TSR1: variants seen among roughly 807,000 people sequenced by gnomAD.
TSR1 encodes the protein pre-rRNA-processing protein TSR1 homolog.
In TSR1, 81 loss-of-function variants were observed where a neutral mutation model predicts 90.9. That is an observed-to-expected ratio of 0.89 (90% confidence interval 0.74 to 1.07). The LOEUF (loss-of-function observed/expected upper bound fraction) is 1.07. TSR1 is among the 50% of genes least tolerant of loss of function. The probability of loss-of-function intolerance (pLI) is 0.00; values close to 1 mark genes in which losing one functional copy is unlikely to be tolerated. For synonymous variants in TSR1, 362 were observed against 348.8 expected (o/e 1.04, Z -0.42); for missense variants, 989 against 987.3 (o/e 1.00, Z -0.02).
In TSR1 at chr17:2,323,630, T is replaced by G; in HGVS notation, c.*566A>C. The G allele has an allele frequency of 6.2e-7, 1 of 1,611,486 alleles. No homozygotes were observed. The highest frequency in any genetic ancestry group is 8.5e-7 in the Non-Finnish European group (1 of 1,177,796). ...ACCAACTAGACTCCCCTTTCACTAA[T>G]TCCTACTCCCTTCCATATCAACAGT... On this transcript the variant is annotated 3_prime_UTR_variant, in exon 15 of 15. Transcript: ENST00000301364.
chr17:2,323,089 CA>C lies in TSR1; in HGVS notation c.*1106del. The C allele has an allele frequency of 6.3e-7, 1 of 1,576,924 alleles. No individual in the cohort carries two copies. The highest frequency in any genetic ancestry group is 8.7e-7 in the Non-Finnish European group (1 of 1,146,672). ...CCATATTTTCTTTTAGACATGCAGG[CA>C]ATGTTGTGGTTTGTTGTTAAGATGT... is the stretch of plus-strand genomic sequence containing the variant. On this transcript the variant is annotated 3_prime_UTR_variant, in exon 15 of 15. Coordinates refer to ENST00000301364, the MANE Select transcript of TSR1 (RefSeq NM_018128.5).
chr17:2,331,297 C>T (rs1381789857), intron 8 of TSR1, among the ~76,000 whole-genome samples, 188 bp from the exon 9 acceptor site: 2 of 152,190 alleles, frequency 1.3e-5, no homozygotes, highest in East Asian at 3.8e-4. Context: ...CGGAACCAAA[C>T]CCAAGCTTCT....
chr17:2,325,608 CTTT>C (rs545314135), intron 11 of TSR1, among the ~76,000 whole-genome samples, 188 bp from the exon 12 acceptor site: 1 of 148,182 alleles, frequency 6.7e-6, no homozygotes, highest in Non-Finnish European at 1.5e-5. Flanking sequence ...CTATCAGTAA[CTTT>C]TTTTTTTTCT....
At position 2,332,995 on chromosome 17, in the gene TSR1, A is replaced by G. The variant is rs1034502796; in HGVS notation, c.1271T>C (p.Met424Thr). ...CTCCTCCATAAAATCCTCATGTTCC[A>G]TATCATCATATTCATATTCATCTCC... Reference protein sequence around the residue: ...GEGDEYEYDDMEHEDFMEEES... With the variant: ...GEGDEYEYDDTEHEDFMEEES... Residue 424 changes from methionine (M) to threonine (T), a missense_variant, in exon 7 of 15, where the codon ATG (methionine) becomes ACG (threonine). Physicochemically the swap from Met to Thr is moderately conservative, Grantham distance 81. Transcript: ENST00000301364. The G allele has an allele frequency of 2.5e-6, 4 of 1,614,084 alleles. No individual in the cohort carries two copies. The highest frequency in any genetic ancestry group is 2.2e-5 in the South Asian group (2 of 91,062).
chr17:2,335,339 G>C lies in TSR1; in HGVS notation c.477C>G (p.Leu159=), dbSNP rs2064047451. ...TGTCCCAGCCTTCTAGTGGATCAAG[G>C]AGGAACAGGATGGTATCAGCTACTT... ...MAKVADTILF[L]LDPLEGWDST... The change falls in exon 4 of 15, where the codon CTC becomes CTG. Residue 159 remains leucine (L), a synonymous_variant. Coordinates refer to ENST00000301364, the MANE Select transcript of TSR1 (RefSeq NM_018128.5). The C allele has an allele frequency of 6.2e-7, 1 of 1,613,958 alleles. No individual in the cohort carries two copies. The highest frequency in any genetic ancestry group is 8.5e-7 in the Non-Finnish European group (1 of 1,180,012).
At chr17:2,331,263 C>T (rs1031604669) in intron 8 of TSR1, among the ~76,000 whole-genome samples, 154 bp from the exon 9 acceptor site, 2 of 152,190 alleles carry the variant, frequency 1.3e-5, no homozygotes, top group Non-Finnish European at 2.9e-5. Context: ...GACGACACTC[C>T]GAACAGCTTA....
chr17:2,330,451 T>C, intron 10 of TSR1, 64 bp downstream of exon 10: 1 of 1,479,640 alleles, frequency 6.8e-7, no homozygotes, highest in Admixed American at 1.7e-5. Flanking sequence ...AACAGAATTT[T>C]AGACTGTCAG....
At chr17:2,325,460 G>A (rs1216724453) in intron 11 of TSR1, 40 bp from the exon 12 acceptor site, 5 of 1,511,654 alleles carry the variant, frequency 3.3e-6, no homozygotes, top group Non-Finnish European at 4.6e-6. Flanking sequence ...AAACCATTTT[G>A]AGAAACCAGA....
chr17:2,330,005 C>A (rs770659264), intron 10 of TSR1, among the ~76,000 whole-genome samples: 5 of 152,068 alleles, frequency 3.3e-5, no homozygotes, highest in Admixed American at 6.6e-5. Context: ...CCACAACCTC[C>A]GCCTACTGGG....
chr17:2,334,920 T>C (rs753154499), intron 4 of TSR1, 24 bp from the exon 5 acceptor site: 56 of 1,590,724 alleles, frequency 3.5e-5, no homozygotes, highest in Non-Finnish European at 4.7e-5. Context: ...AGAAAACGCT[T>C]CATGACCTAC....
chr17:2,336,223 G>A (rs2064076968), intron 1 of TSR1, 83 bp from the exon 2 acceptor site: 1 of 1,600,366 alleles, frequency 6.2e-7, no homozygotes, highest in Non-Finnish European at 8.6e-7. Flanking sequence ...CCTTAGAAAG[G>A]GCCTTTCGCG....
chr17:2,335,871 C>T, intron 2 of TSR1, 141 bp from the exon 3 acceptor site: 2 of 1,266,930 alleles, frequency 1.6e-6, no homozygotes, highest in East Asian at 5.0e-5. Flanking sequence ...AGCGGGGTGG[C>T]AGGAATTCTG....
intron 8 of TSR1, 107 bp downstream of exon 8, chr17:2,332,062 G>A (rs894982225): frequency 3.1e-5 from 40 of 1,309,866 alleles, no homozygotes; most frequent in Non-Finnish European, 4.2e-5. Context: ...TTCAGGAGCA[G>A]AAAAAATGTG....
In TSR1 at chr17:2,323,027, A is replaced by G. The variant is rs2075546368; in HGVS notation, c.*1169T>C. 1 of 1,150,062 alleles carries G rather than the reference A, an allele frequency of 8.7e-7. No homozygotes were observed. The highest frequency in any genetic ancestry group is 2.4e-5 in the East Asian group (1 of 41,604). 71.2% of individuals were successfully genotyped at this position (1,150,062 alleles called of 1,614,324 possible). The stretch of plus-strand genomic sequence containing the variant: ...TGATCCACCCGCCTCGGGCTCCCAA[A>G]GTGTTGGGATTACAGGTGTGAGCCA... On this transcript the variant is annotated 3_prime_UTR_variant, in exon 15 of 15. Coordinates refer to ENST00000301364, the MANE Select transcript of TSR1 (RefSeq NM_018128.5).
intron 11 of TSR1, 197 bp downstream of exon 11, chr17:2,329,145 GA>G (rs2075591252): frequency 2.3e-6 from 2 of 872,060 alleles, no homozygotes; most frequent in Non-Finnish European, 3.8e-6. Flanking sequence ...GTATCACACA[GA>G]AGTTGCATCA....
At position 2,332,291 on chromosome 17, in the gene TSR1, C is replaced by T. The variant is rs2064010571; in HGVS notation, c.1374G>A (p.Leu458=). The change falls in exon 8 of 15, where the codon CTG becomes CTA. Residue 458 remains leucine, a synonymous_variant. Transcript: ENST00000301364. ...CTTCTTCATCTACTTTCTTATCATACAGATCATCATGCACAGACTCCCCAA... is the reference window on the plus strand; with the variant it reads ...CTTCTTCATCTACTTTCTTATCATATAGATCATCATGCACAGACTCCCCAA... ...MTIGESVHDD[L]YDKKVDEEAE... is the part of the protein sequence containing the mutation. 3 of 1,614,032 alleles carry T rather than the reference C, an allele frequency of 1.9e-6. No individual in the cohort carries two copies. The highest frequency in any genetic ancestry group is 2.5e-6 in the Non-Finnish European group (3 of 1,180,016).
chr17:2,333,932 C>T (rs1290504338), intron 5 of TSR1, among the ~76,000 whole-genome samples: 1 of 152,072 alleles, frequency 6.6e-6, no homozygotes, highest in African/African-American at 2.4e-5. Context: ...TCTGCTCCCA[C>T]TCCTATCCAT....
chr17:2,335,516 C>T lies in TSR1; in HGVS notation c.416G>A (p.Arg139Lys). 6.2e-7 allele frequency: 1 copy of T among 1,613,988 alleles called. No homozygotes were observed. The highest frequency in any genetic ancestry group is 8.5e-7 in the Non-Finnish European group (1 of 1,180,000). The change falls in exon 3 of 15, where the codon AGG (arginine) becomes AAG (lysine). Residue 139 changes from arginine to lysine, a missense_variant. Coordinates refer to ENST00000301364, the MANE Select transcript of TSR1 (RefSeq NM_018128.5). ...LKHRWFFTSA[R>K]PGDLHVVLDM... ...ATATTGGTGTATACTCTAACCTGGCCTTGCTGAGGTGAAAAACCACCGATG... is the reference window on the plus strand; with the variant it reads ...ATATTGGTGTATACTCTAACCTGGCTTTGCTGAGGTGAAAAACCACCGATG...
chr17:2,335,830 C>A, intron 2 of TSR1, 100 bp from the exon 3 acceptor site: 1 of 1,397,782 alleles, frequency 7.2e-7, no homozygotes, highest in African/African-American at 1.4e-5. Context: ...CCAAAACCAG[C>A]ATCTCTCTAG....
Sources: allele counts gnomAD v4.1 joint callset (sites outside exome capture counted in the v4.1 genomes callset), GRCh38; gene constraint gnomAD v4.1.1; transcripts MANE v1.5; gene names NCBI Gene and HGNC (gene_info 2026-07-23, HGNC 2026-07-21).